OSBPL9: variants seen among roughly 807,000 people sequenced by gnomAD.
OSBPL9 encodes the protein oxysterol-binding protein-related protein 9.
Under a neutral mutation model 106.6 loss-of-function variants are expected in OSBPL9, and 40 were observed. The observed-to-expected ratio is 0.38, with a 90% CI of 0.29 to 0.49. The LOEUF (loss-of-function observed/expected upper bound fraction) is 0.49. Among genes scored for constraint, OSBPL9 ranks in the 20% least tolerant of loss-of-function variants. OSBPL9 has a pLI of 0.97. For missense variants in OSBPL9, 609 were observed against 887.2 expected (o/e 0.69, Z 3.98); for synonymous variants, 269 against 295.4 (o/e 0.91, Z 0.92).
At chr1:51,562,762 G>A in the OSBPL9 span, among the ~76,000 whole-genome samples, 1 of 152,194 alleles carries the variant, frequency 6.6e-6, no homozygotes, top group Non-Finnish European at 1.5e-5. Context: ...TATCCTGGCA[G>A]TTGAGGCCGT....
the OSBPL9 span, among the ~76,000 whole-genome samples, chr1:51,529,987 C>T: frequency 4.0e-5 from 6 of 151,108 alleles, no homozygotes; most frequent in East Asian, 2.0e-4. Flanking sequence ...CTGGCTAACA[C>T]GGTGAAACCC....
intron 1 of OSBPL9, among the ~76,000 whole-genome samples, chr1:51,631,343 C>A (rs1645091449): frequency 6.6e-6 from 1 of 152,100 alleles, no homozygotes; most frequent in Non-Finnish European, 1.5e-5. Flanking sequence ...GAGTTTGAGA[C>A]CATCCTGGGC....
chr1:51,765,710 T>G, intron 11 of OSBPL9, 112 bp from the exon 12 acceptor site: 1 of 1,043,036 alleles, frequency 9.6e-7, no homozygotes, highest in Non-Finnish European at 1.4e-6. Flanking sequence ...TAGCGACTTT[T>G]ACAAACTTAA....
At chr1:51,674,065 C>CTTT (rs199650810) in intron 3 of OSBPL9, among the ~76,000 whole-genome samples, 3 of 133,074 alleles carry the variant, frequency 2.3e-5, no homozygotes, top group South Asian at 2.4e-4. Context: ...TCTTCTTCTT[C>CTTT]TTTTTTTTTT....
chr1:51,524,811 T>C, the OSBPL9 span, among the ~76,000 whole-genome samples: 174 of 152,326 alleles, frequency 1.1e-3, 1 homozygote, highest in African/African-American at 4.0e-3. Context: ...CTGTCCTTTA[T>C]GAAGAGTGCT....
At chr1:51,553,065 C>T in the OSBPL9 span, among the ~76,000 whole-genome samples, 1 of 151,956 alleles carries the variant, frequency 6.6e-6, no homozygotes, top group African/African-American at 2.4e-5. Context: ...GGCCACAAAC[C>T]TGCTTTTGAA....
the OSBPL9 span, among the ~76,000 whole-genome samples, chr1:51,552,080 A>C: frequency 1.3e-5 from 2 of 149,874 alleles, no homozygotes; most frequent in Non-Finnish European, 3.0e-5. Flanking sequence ...CCACAGTGCT[A>C]TAATAGGCAA....
chr1:51,644,173 G>A (rs1295126205), intron 1 of OSBPL9, among the ~76,000 whole-genome samples: 1 of 151,118 alleles, frequency 6.6e-6, no homozygotes. Flanking sequence ...TAGAGATGAG[G>A]TTAAATGAAA....
rs759565224 is a variant in OSBPL9, at chr1:51,652,038, C to G, written c.159C>G (p.Leu53=). Reference sequence around the variant, plus strand: ...GCTCTCGCAGAGGATGTGTTAGACTCAGAGTGAGTATTTATTCATTTTTAT... The same window carrying G: ...GCTCTCGCAGAGGATGTGTTAGACTGAGAGTGAGTATTTATTCATTTTTAT... ...MRGSRRGCVR[L]RGAVIGIDDE... is the part of the protein sequence containing the mutation. The change falls in exon 2 of 24, where the codon CTC becomes CTG. Residue 53 remains leucine, a synonymous_variant. Transcript: ENST00000428468. 7 of 1,601,964 alleles carry G rather than the reference C, an allele frequency of 4.4e-6. No individual in the cohort carries two copies. Among genetic ancestry groups the G allele is most frequent in the Non-Finnish European group, 6.0e-6 (7 of 1,173,646 alleles).
At chr1:51,521,959 G>A in the OSBPL9 span, among the ~76,000 whole-genome samples, 2 of 151,932 alleles carry the variant, frequency 1.3e-5, no homozygotes, top group Non-Finnish European at 2.9e-5. Flanking sequence ...GTTTCACCGT[G>A]TTGGCCAGGC....
the OSBPL9 span, among the ~76,000 whole-genome samples, chr1:51,533,837 T>C: frequency 6.8e-6 from 1 of 147,364 alleles, no homozygotes; most frequent in South Asian, 2.1e-4. Context: ...GTTTTTTCTT[T>C]TTTCTTTCTT....
intron 9 of OSBPL9, chr1:51,759,471 T>G (rs1227221550): frequency 6.6e-6 from 1 of 152,188 alleles, no homozygotes; most frequent in Non-Finnish European, 1.5e-5. Context: ...ACTGCTTTTT[T>G]GGGCTTATTT....
At chr1:51,588,997 G>A (rs1366378845) in intron 1 of OSBPL9, among the ~76,000 whole-genome samples, 1 of 152,188 alleles carries the variant, frequency 6.6e-6, no homozygotes, top group African/African-American at 2.4e-5. Flanking sequence ...AGCATGCAAA[G>A]GCTTACATGG....
the OSBPL9 span, among the ~76,000 whole-genome samples, chr1:51,539,764 C>T: frequency 6.6e-6 from 1 of 152,274 alleles, no homozygotes; most frequent in East Asian, 1.9e-4. Flanking sequence ...GGTTTGAACC[C>T]AGGTTGACTT....
rs968030187 is a variant in OSBPL9, at chr1:51,773,947, T to C, written c.1170+1224T>C. On this transcript the variant is annotated intron_variant, in intron 14 of 23. Coordinates refer to ENST00000428468, the MANE Select transcript of OSBPL9 (RefSeq NM_024586.6). ...TAGATTGTACAGCTGCTGGCGTTGT[T>C]GTTGTTGTTGTTGTTGTTGTTGTTG... Among the ~76,000 whole-genome samples the C allele has an allele frequency of 3.9e-3, 416 of 106,516 alleles. 1 individual carries two copies. Among genetic ancestry groups the C allele is most frequent in the Non-Finnish European group, 5.1e-3 (255 of 49,764 alleles). 69.9% of individuals were successfully genotyped at this position (106,516 alleles called of 152,430 possible). A position where few individuals can be genotyped will look rare whatever the true frequency, so the allele number is the denominator to read the frequency against.
At chr1:51,578,212 T>C (rs1239947242) in intron 1 of OSBPL9, among the ~76,000 whole-genome samples, 1 of 152,256 alleles carries the variant, frequency 6.6e-6, no homozygotes, top group Non-Finnish European at 1.5e-5. Flanking sequence ...GACTCTTTTA[T>C]TCTCCATTTG....
chr1:51,544,599 T>C, the OSBPL9 span, among the ~76,000 whole-genome samples: 1 of 151,714 alleles, frequency 6.6e-6, no homozygotes, highest in African/African-American at 2.4e-5. Flanking sequence ...GAGTCTGAAG[T>C]TAAGGGCTAC....
At chr1:51,775,722 T>A (rs1416862408) in intron 14 of OSBPL9, among the ~76,000 whole-genome samples, 1 of 152,130 alleles carries the variant, frequency 6.6e-6, no homozygotes, top group African/African-American at 2.4e-5. Context: ...GTGATTCTCC[T>A]GCCTCAGCCT....
rs565882115 is a variant in OSBPL9 at position 51,643,650 on chromosome 1, G to A, written c.112-8341G>A. ...TTTAAGTGCAATGTAGAGCCATGAA[G>A]TACTTTTTTTTGCTTGCTTGCTTGT... On this transcript the variant is annotated intron_variant, in intron 1 of 23. Transcript: ENST00000428468. Among the ~76,000 whole-genome samples, 10 of 152,268 alleles carry A rather than the reference G, an allele frequency of 6.6e-5. No individual in the cohort carries two copies. In the South Asian group the frequency reaches 2.1e-3, roughly 32 times the overall value.
Sources: gnomAD v4.1 joint callset for allele counts (sites outside exome capture counted in the v4.1 genomes callset) on GRCh38, gnomAD v4.1.1 for gene constraint, MANE v1.5 for transcripts, NCBI Gene and HGNC (gene_info 2026-07-23, HGNC 2026-07-21) for gene names.